Variants in TAFA5 observed in about 807,000 individuals in gnomAD.
TAFA5 encodes chemokine-like protein TAFA-5.
A neutral mutation model predicts 15.3 loss-of-function variants in TAFA5; 6 were observed. That is an observed-to-expected ratio of 0.39 (90% CI 0.21 to 0.77). TAFA5 has a LOEUF of 0.77. Ranked by LOEUF, TAFA5 falls within the 30% of genes least tolerant of loss-of-function variation. The pLI is 0.41. For synonymous variants in TAFA5, 103 were observed against 80.7 expected (o/e 1.28, Z -1.48); for missense variants, 161 against 193.1 (o/e 0.83, Z 0.98).
intron 1 of TAFA5, among the ~76,000 whole-genome samples, chr22:48,607,009 A>C (rs28410043): frequency 0.13 from 19,386 of 152,122 alleles, 1,318 homozygotes; most frequent in African/African-American, 0.17. Context: ...CACCACATGT[A>C]CTCAGGATTC....
chr22:48,555,753 G>C (rs1385470048), intron 1 of TAFA5, among the ~76,000 whole-genome samples: 1 of 152,192 alleles, frequency 6.6e-6, no homozygotes, highest in Non-Finnish European at 1.5e-5. Context: ...CCAGGAAGCT[G>C]GTCCAGGAGA....
intron 1 of TAFA5, among the ~76,000 whole-genome samples, chr22:48,609,116 AG>A (rs1315092982): frequency 1.3e-5 from 2 of 152,006 alleles, no homozygotes; most frequent in Non-Finnish European, 2.9e-5. Context: ...GGCAGAGGAG[AG>A]CACTGCTGTC....
rs140318345 is a variant in TAFA5 at position 48,573,039 on chromosome 22, C to T, written c.113-73558C>T. ...CCTCAGGCACTGTGGGGACTGTCCC[C>T]GGGCAGAAGGCACCCCCTCTGTGGA... On this transcript the variant is annotated intron_variant, in intron 1 of 3. Coordinates refer to ENST00000402357, the MANE Select transcript of TAFA5 (RefSeq NM_001082967.3). Among the ~76,000 whole-genome samples, 16 of 152,350 alleles carry T rather than the reference C, an allele frequency of 1.1e-4. No homozygotes were observed. In the East Asian group the frequency reaches 2.1e-3, roughly 20 times the overall value.
At chr22:48,613,716 G>T (rs780343367) in intron 1 of TAFA5, among the ~76,000 whole-genome samples, 3 of 152,242 alleles carry the variant, frequency 2.0e-5, no homozygotes, top group Non-Finnish European at 2.9e-5. Flanking sequence ...GGCTGCCCTT[G>T]TGGCTGCGCC....
At chr22:48,697,611 A>G (rs1448266625) in intron 2 of TAFA5, among the ~76,000 whole-genome samples, 2 of 139,724 alleles carry the variant, frequency 1.4e-5, no homozygotes, top group East Asian at 2.0e-4. Flanking sequence ...GGTGGTGGTG[A>G]TGATGGTGAT....
chr22:48,714,167 T>G (rs1929336726), intron 3 of TAFA5, among the ~76,000 whole-genome samples: 1 of 152,222 alleles, frequency 6.6e-6, no homozygotes. Context: ...GCAGACGCTT[T>G]TGCACCAGGG....
intron 2 of TAFA5, among the ~76,000 whole-genome samples, chr22:48,690,845 C>T (rs528011112): frequency 1.3e-4 from 20 of 151,740 alleles, no homozygotes; most frequent in Admixed American, 5.2e-4. Context: ...GGGGGCCGTG[C>T]TGCCCCCGCC....
At chr22:48,501,838 C>T (rs925901676) in intron 1 of TAFA5, among the ~76,000 whole-genome samples, 1 of 152,208 alleles carries the variant, frequency 6.6e-6, no homozygotes, top group Non-Finnish European at 1.5e-5. Flanking sequence ...CCACTACACC[C>T]AGACCCACTA....
At chr22:48,700,491 C>T (rs1282764354) in intron 2 of TAFA5, among the ~76,000 whole-genome samples, 2 of 152,148 alleles carry the variant, frequency 1.3e-5, no homozygotes, top group African/African-American at 4.8e-5. Context: ...GCCCTTTGAC[C>T]AAAGCCAGTA....
intron 2 of TAFA5, among the ~76,000 whole-genome samples, chr22:48,659,919 T>G (rs143536441): frequency 8.3e-4 from 126 of 152,372 alleles, no homozygotes; most frequent in Middle Eastern, 3.4e-3. Context: ...AGGGACATTT[T>G]GAAAGAAAAT....
At chr22:48,632,811 A>C (rs1280619575) in intron 1 of TAFA5, among the ~76,000 whole-genome samples, 5 of 152,214 alleles carry the variant, frequency 3.3e-5, no homozygotes. Context: ...TGAAGGCTCC[A>C]GGGCGGAGTC....
At chr22:48,613,595 C>T (rs888650807) in intron 1 of TAFA5, among the ~76,000 whole-genome samples, 28 of 151,872 alleles carry the variant, frequency 1.8e-4, no homozygotes, top group Admixed American at 1.3e-3. Flanking sequence ...CAGCCTCCTC[C>T]GTGAATTAGA....
intron 2 of TAFA5, among the ~76,000 whole-genome samples, chr22:48,657,291 G>T (rs955789972): frequency 6.6e-6 from 1 of 152,166 alleles, no homozygotes; most frequent in Non-Finnish European, 1.5e-5. Context: ...TGAAATAAAC[G>T]CATTCCTAGA....
chr22:48,671,782 GGA>G (rs1338837991), intron 2 of TAFA5, among the ~76,000 whole-genome samples: 1 of 152,172 alleles, frequency 6.6e-6, no homozygotes, highest in Non-Finnish European at 1.5e-5. Flanking sequence ...GCCTGTCCCT[GGA>G]GAGTCTCTCA....
Position 48,634,648 on chromosome 22 carries a change from T to TTCAC in TAFA5, c.113-11931_113-11928dup, listed in dbSNP as rs113169485. 3.6e-3 allele frequency among the ~76,000 whole-genome samples: 537 copies of TTCAC among 150,960 alleles called. 3 individuals are homozygous for TTCAC. Among genetic ancestry groups the TTCAC allele is most frequent in the African/African-American group, 0.012 (481 of 40,950 alleles). Reference sequence around the variant, plus strand: ...ACACACTCGGTCATTTACTCAGTCATTCACTCACTCACTCACTCACTGAGT... The same window carrying TTCAC: ...ACACACTCGGTCATTTACTCAGTCATTCACTCACTCACTCACTCACTCACTGAGT... On this transcript the variant is annotated intron_variant, in intron 1 of 3. Coordinates refer to ENST00000402357, the MANE Select transcript of TAFA5 (RefSeq NM_001082967.3).
At chr22:48,641,184 G>A (rs1207537983) in intron 1 of TAFA5, among the ~76,000 whole-genome samples, 1 of 152,064 alleles carries the variant, frequency 6.6e-6, no homozygotes, top group African/African-American at 2.4e-5. Context: ...AGGGCAGTGG[G>A]AACAGTGGTC....
intron 1 of TAFA5, among the ~76,000 whole-genome samples, chr22:48,570,941 C>T (rs1569029407): frequency 6.6e-6 from 1 of 152,202 alleles, no homozygotes; most frequent in Non-Finnish European, 1.5e-5. Flanking sequence ...CTATTCTTCA[C>T]AGTTTTTCTA....
rs144447661 is a variant in TAFA5, at chr22:48,693,130, G to A, written c.263-14587G>A. On this transcript the variant is annotated intron_variant, in intron 2 of 3. Coordinates refer to ENST00000402357, the MANE Select transcript of TAFA5 (RefSeq NM_001082967.3). ...CCACTCGGATTCCCAGTAGCTGAGCGCAGGACGTGACCTCGAGTCGAAGCC... is the reference window on the plus strand; with the variant it reads ...CCACTCGGATTCCCAGTAGCTGAGCACAGGACGTGACCTCGAGTCGAAGCC... 1,690 of 669,290 alleles carry A rather than the reference G, an allele frequency of 2.5e-3. 26 individuals are homozygous for A. The African/African-American group carries it at 0.026, about 10-fold the overall frequency. 41.5% of individuals were successfully genotyped at this position (669,290 alleles called of 1,614,324 possible). A position where few individuals can be genotyped will look rare whatever the true frequency, so the allele number is the denominator to read the frequency against.
intron 3 of TAFA5, among the ~76,000 whole-genome samples, chr22:48,741,003 G>A (rs28393940): frequency 0.021 from 3,232 of 152,278 alleles, 114 homozygotes; most frequent in African/African-American, 0.073. Context: ...CCTGTAGGAA[G>A]TGGAGACCCA....
Sources: allele counts gnomAD v4.1 joint callset (sites outside exome capture counted in the v4.1 genomes callset), GRCh38; gene constraint gnomAD v4.1.1; transcripts MANE v1.5; gene names NCBI Gene and HGNC (gene_info 2026-07-23, HGNC 2026-07-21).